The following GPR158 variants were observed in gnomAD, a reference collection of about 807,000 sequenced individuals.
The protein encoded by GPR158 is G protein-coupled receptor 158, also known as metabotropic glycine receptor.
Under a neutral mutation model 78.2 loss-of-function variants are expected in GPR158, and 30 were observed. The ratio of observed to expected loss-of-function variants is 0.38; its 90% CI spans 0.29 to 0.52. The LOEUF (loss-of-function observed/expected upper bound fraction) is 0.52. GPR158 is among the 20% of genes least tolerant of loss of function. GPR158 has a pLI of 0.83. For synonymous variants in GPR158, 581 were observed against 591.1 expected (o/e 0.98, Z 0.25); for missense variants, 1,463 against 1,523.5 (o/e 0.96, Z 0.66).
intron 2 of GPR158, among the ~76,000 whole-genome samples, chr10:25,309,395 A>T (rs1014806572): frequency 1.4e-5 from 2 of 140,704 alleles, no homozygotes; most frequent in Non-Finnish European, 3.0e-5. Context: ...CCACTTTTGA[A>T]TTCAGTTTTT....
chr10:25,488,790 A>G (rs1835765966), intron 5 of GPR158, among the ~76,000 whole-genome samples: 1 of 152,150 alleles, frequency 6.6e-6, no homozygotes. Flanking sequence ...GGATTCACCT[A>G]AGATAGATTT....
chr10:25,542,012 C>T (rs1379990549), intron 5 of GPR158, among the ~76,000 whole-genome samples: 2 of 147,732 alleles, frequency 1.4e-5, no homozygotes, highest in Non-Finnish European at 3.0e-5. Context: ...ATTATAAAGT[C>T]GTTAAAGCCT....
At chr10:25,421,127 T>G (rs1341973027) in intron 4 of GPR158, among the ~76,000 whole-genome samples, 8 of 152,208 alleles carry the variant, frequency 5.3e-5, no homozygotes. Flanking sequence ...GTGTCTTTCA[T>G]TTTGCTTAGT....
At chr10:25,282,760 A>G (rs921437891) in intron 2 of GPR158, among the ~76,000 whole-genome samples, 4 of 152,174 alleles carry the variant, frequency 2.6e-5, no homozygotes, top group African/African-American at 7.2e-5. Context: ...TGCCATTCAT[A>G]CATCTTATTG....
rs185334802 is a variant in GPR158, at chr10:25,458,249, T to G, written c.1336-8402T>G. On this transcript the variant is annotated intron_variant, in intron 4 of 10. Transcript: ENST00000376351. Reference sequence around the variant, plus strand: ...TACCTACTTAAGGCAATATGAAATTTCTTTTAGTGTTTTAGTTAAGACCGT... The same window carrying G: ...TACCTACTTAAGGCAATATGAAATTGCTTTTAGTGTTTTAGTTAAGACCGT... Among the ~76,000 whole-genome samples, 389 of 152,352 alleles carry G rather than the reference T, an allele frequency of 2.6e-3. 1 individual carries two copies. The highest frequency in any genetic ancestry group is 9.1e-3 in the African/African-American group (378 of 41,582).
At chr10:25,495,205 G>C (rs1835863353) in intron 5 of GPR158, among the ~76,000 whole-genome samples, 1 of 145,972 alleles carries the variant, frequency 6.9e-6, no homozygotes, top group Admixed American at 6.8e-5. Flanking sequence ...GTTTACCGAA[G>C]TTTATTTATT....
chr10:25,455,766 G>T (rs970994376), intron 4 of GPR158, among the ~76,000 whole-genome samples: 6 of 152,234 alleles, frequency 3.9e-5, no homozygotes, highest in Non-Finnish European at 8.8e-5. Context: ...TCGCTGATAA[G>T]CATAAAGACC....
At chr10:25,252,006 C>G (rs1323534148) in intron 2 of GPR158, among the ~76,000 whole-genome samples, 2 of 151,326 alleles carry the variant, frequency 1.3e-5, no homozygotes, top group Admixed American at 1.3e-4. Context: ...GGAGGCTTTG[C>G]TCATTTCTTT....
At chr10:25,371,568 T>A (rs1269614975) in intron 2 of GPR158, among the ~76,000 whole-genome samples, 1 of 147,750 alleles carries the variant, frequency 6.8e-6, no homozygotes, top group Non-Finnish European at 1.5e-5. Flanking sequence ...TACAACTATC[T>A]GATCTTTGAC....
intron 2 of GPR158, among the ~76,000 whole-genome samples, chr10:25,347,115 A>G (rs1030535493): frequency 2.0e-5 from 3 of 151,994 alleles, no homozygotes; most frequent in Non-Finnish European, 4.4e-5. Context: ...TCTGTAGGTT[A>G]GAAGTTGGAT....
intron 6 of GPR158, among the ~76,000 whole-genome samples, chr10:25,552,307 G>C (rs1297118185): frequency 6.6e-6 from 1 of 152,044 alleles, no homozygotes; most frequent in Admixed American, 6.6e-5. Flanking sequence ...ACTTCCCTCC[G>C]GCATCCTTCT....
chr10:25,538,315 C>T (rs1836527498), intron 5 of GPR158, among the ~76,000 whole-genome samples: 2 of 152,094 alleles, frequency 1.3e-5, no homozygotes, highest in African/African-American at 4.8e-5. Flanking sequence ...TTCTAGGGAA[C>T]AGACATTCCA....
chr10:25,553,610 T>C (rs552951476), intron 6 of GPR158, among the ~76,000 whole-genome samples: 1 of 152,310 alleles, frequency 6.6e-6, no homozygotes, highest in Admixed American at 6.5e-5. Context: ...GATTTAGTGC[T>C]ATATTTTTCC....
chr10:25,433,553 G>GTGTGT (rs368826700), intron 4 of GPR158, among the ~76,000 whole-genome samples: 2,299 of 126,862 alleles, frequency 0.018, 49 homozygotes, highest in African/African-American at 0.056. Flanking sequence ...TGTGTTGTGT[G>GTGTGT]TGTGTGTGTG....
At chr10:25,407,851 T>A (rs1441125161) in intron 3 of GPR158, among the ~76,000 whole-genome samples, 1 of 152,206 alleles carries the variant, frequency 6.6e-6, no homozygotes, top group African/African-American at 2.4e-5. Flanking sequence ...CTCTATAGTA[T>A]GTTCTCTATA....
chr10:25,380,628 G>A (rs1056355514), intron 2 of GPR158, among the ~76,000 whole-genome samples: 3 of 152,090 alleles, frequency 2.0e-5, no homozygotes, highest in Admixed American at 6.5e-5. Flanking sequence ...ATTTTCCAAT[G>A]TGTGTATATT....
chr10:25,596,052 G>A (rs1273379720), intron 9 of GPR158, among the ~76,000 whole-genome samples: 1 of 151,800 alleles, frequency 6.6e-6, no homozygotes, highest in Non-Finnish European at 1.5e-5. Context: ...AAATAAATAA[G>A]GTAAGTATTT....
intron 3 of GPR158, among the ~76,000 whole-genome samples, chr10:25,411,002 C>T (rs546005737): frequency 6.6e-6 from 1 of 152,134 alleles, no homozygotes; most frequent in African/African-American, 2.4e-5. Flanking sequence ...TCCCAAATTC[C>T]TCAGTTAATC....
intron 2 of GPR158, among the ~76,000 whole-genome samples, chr10:25,355,969 A>G (rs745969402): frequency 2.0e-5 from 3 of 152,024 alleles, no homozygotes; most frequent in African/African-American, 7.2e-5. Flanking sequence ...TCACCTCCCC[A>G]CTTTCTCTCC....
Sources: allele counts gnomAD v4.1 joint callset (sites outside exome capture counted in the v4.1 genomes callset), GRCh38; gene constraint gnomAD v4.1.1; transcripts MANE v1.5; gene names NCBI Gene and HGNC (gene_info 2026-07-23, HGNC 2026-07-21).